The following ANKRD11 variants were observed in gnomAD, a reference collection of about 807,000 sequenced individuals.
ANKRD11 encodes the protein ankyrin repeat domain 11.
ANKRD11 carries 17 observed loss-of-function variants against 195.7 expected under a neutral mutation model. The ratio of observed to expected loss-of-function variants is 0.09; its 90% confidence interval spans 0.06 to 0.13. ANKRD11 has a LOEUF of 0.13. Among genes scored for constraint, ANKRD11 ranks in the 10% least tolerant of loss-of-function variants. The pLI is 1.00. For missense variants in ANKRD11, 3,735 were observed against 3,566.1 expected, an observed-to-expected ratio of 1.05 and a Z score of -1.21; for synonymous variants, 1,953 against 1,528.1, an observed-to-expected ratio of 1.28 and a Z score of -6.49.
At chr16:89,360,390 CCCA>C (rs1408852661) in intron 2 of ANKRD11, among the ~76,000 whole-genome samples, 4 of 152,176 alleles carry the variant, frequency 2.6e-5, no homozygotes, top group African/African-American at 9.7e-5. Flanking sequence ...CATCACCATG[CCCA>C]CTTTTCCATC....
intron 2 of ANKRD11, among the ~76,000 whole-genome samples, chr16:89,365,625 G>T (rs1050825263): frequency 6.6e-6 from 1 of 152,142 alleles, no homozygotes; most frequent in African/African-American, 2.4e-5. Flanking sequence ...CTCAAGAAAG[G>T]GAAGAGCAGT....
chr16:89,328,147 A>G (rs2037833352), intron 2 of ANKRD11, among the ~76,000 whole-genome samples: 1 of 98,520 alleles, frequency 1.0e-5, no homozygotes, highest in South Asian at 2.9e-4. Flanking sequence ...TTAAAGCCGC[A>G]ATGAGATATT....
At chr16:89,385,491 G>A (rs1031634001) in intron 2 of ANKRD11, among the ~76,000 whole-genome samples, 3 of 152,082 alleles carry the variant, frequency 2.0e-5, no homozygotes, top group African/African-American at 7.2e-5. Flanking sequence ...ACCGGGCAGA[G>A]GGAAGGGCGC....
At chr16:89,383,158 G>C (rs974470085) in intron 2 of ANKRD11, among the ~76,000 whole-genome samples, 2 of 152,238 alleles carry the variant, frequency 1.3e-5, no homozygotes, top group South Asian at 4.1e-4. Context: ...CCAAACAGCC[G>C]CCTGTGCTGC....
intron 1 of ANKRD11, among the ~76,000 whole-genome samples, chr16:89,461,890 G>A (rs1016639558): frequency 2.0e-5 from 3 of 152,046 alleles, no homozygotes; most frequent in African/African-American, 7.2e-5. Flanking sequence ...CTCTGACACT[G>A]CCCTCTCCCC....
At chr16:89,478,471 G>A (rs2057333680) in intron 1 of ANKRD11, among the ~76,000 whole-genome samples, 1 of 152,042 alleles carries the variant, frequency 6.6e-6, no homozygotes, top group Non-Finnish European at 1.5e-5. Context: ...CCCCCACCCG[G>A]TAACTCATTA....
intron 2 of ANKRD11, among the ~76,000 whole-genome samples, chr16:89,354,533 C>T (rs1166540739): frequency 1.3e-5 from 2 of 152,174 alleles, no homozygotes; most frequent in African/African-American, 4.8e-5. Flanking sequence ...AGGGAGGGCA[C>T]TTCTAGGCTG....
rs57747159 is a variant in ANKRD11, at chr16:89,441,767, C to CAA, written c.-144-23401_-144-23400dup. Among the ~76,000 whole-genome samples, 262 of 52,336 alleles carry CAA rather than the reference C, an allele frequency of 5.0e-3. 57 individuals carry two copies. Among genetic ancestry groups the CAA allele is most frequent in the African/African-American group, 0.016 (143 of 8,880 alleles). The allele number at this position is 52,336 out of a possible 152,430, so 34.3% of individuals were successfully genotyped here. ...GGGCAACAGAGCGAGACTCCGCCTA[C>CAA]AAAAAAAAAAAAAAAAAAAAAAAAA... On this transcript the variant is annotated intron_variant, in intron 1 of 12. Transcript: ENST00000301030.
At chr16:89,442,583 C>T (rs1171046076) in intron 1 of ANKRD11, among the ~76,000 whole-genome samples, 2 of 152,170 alleles carry the variant, frequency 1.3e-5, no homozygotes, top group Non-Finnish European at 2.9e-5. Context: ...TGGACAGTAT[C>T]ATTCAGGAAC....
Position 89,268,232 on chromosome 16 carries a change from C to T in ANKRD11, c.*246G>A, listed in dbSNP as rs1330935593. The T allele has an allele frequency of 3.8e-6, 1 of 264,004 alleles. No homozygotes were observed. Among genetic ancestry groups the T allele is most frequent in the South Asian group, 3.2e-5 (1 of 31,196 alleles). The allele number at this position is 264,004 out of a possible 1,614,324, so 16.4% of individuals were successfully genotyped here. ...CGCCCGGCATGGTCTCCTCATCCCGCCGGGGCCAGTGAGGCTCTGGGGGCT... is the reference window on the plus strand; with the variant it reads ...CGCCCGGCATGGTCTCCTCATCCCGTCGGGGCCAGTGAGGCTCTGGGGGCT... On this transcript the variant is annotated 3_prime_UTR_variant, in exon 13 of 13. Coordinates refer to ENST00000301030, the MANE Select transcript of ANKRD11 (RefSeq NM_013275.6).
chr16:89,282,085 C>G lies in ANKRD11; in HGVS notation c.4457G>C (p.Arg1486Pro). Residue 1486 changes from arginine (R) to proline (P), a missense_variant, in exon 9 of 13, where the codon CGG (arginine) becomes CCG (proline). Arg to Pro is a moderately radical substitution (Grantham distance 103, BLOSUM62 -2). Coordinates refer to ENST00000301030, the MANE Select transcript of ANKRD11 (RefSeq NM_013275.6). ...HRDRHADGLL[R>P]HHRDELLRHH... ...CCGCAGGAGCTCGTCCCTGTGATGC[C>G]GCAGCAGCCCATCCGCATGCCTGTC... 6.2e-7 allele frequency: 1 copy of G among 1,613,808 alleles called. No homozygotes were observed. The highest frequency in any genetic ancestry group is 8.5e-7 in the Non-Finnish European group (1 of 1,179,950).
In ANKRD11 at chr16:89,278,876, G is replaced by C. The variant is rs947992881; in HGVS notation, c.7470+196C>G. On this transcript the variant is annotated intron_variant, in intron 9 of 12. Transcript: ENST00000301030. ...CGGACCAGCTGGAGGAAGGACCTCG[G>C]GTCTGCAGAACAGCTGGGCAGCTTC... is the stretch of plus-strand genomic sequence containing the variant. 17 of 911,012 alleles carry C rather than the reference G, an allele frequency of 1.9e-5. No homozygotes were observed. The African/African-American group carries it at 2.5e-4, about 13-fold the overall frequency. 56.4% of individuals were successfully genotyped at this position (911,012 alleles called of 1,614,324 possible).
Position 89,481,619 on chromosome 16 carries a change from C to T in ANKRD11, c.-145+8626G>A, listed in dbSNP as rs558775414. 3.9e-5 allele frequency among the ~76,000 whole-genome samples: 6 copies of T among 152,266 alleles called. No individual in the cohort carries two copies. The South Asian group carries it at 1.0e-3, about 26-fold the overall frequency. Reference sequence around the variant, plus strand: ...CCAGTGCTTTCATCTAGGCATCCACCGCCTGCAAACTCTGACACATCATCT... The same window carrying T: ...CCAGTGCTTTCATCTAGGCATCCACTGCCTGCAAACTCTGACACATCATCT... On this transcript the variant is annotated intron_variant, in intron 1 of 12. Transcript: ENST00000301030.
At chr16:89,462,437 C>T (rs1437222586) in intron 1 of ANKRD11, among the ~76,000 whole-genome samples, 1 of 152,232 alleles carries the variant, frequency 6.6e-6, no homozygotes, top group African/African-American at 2.4e-5. Flanking sequence ...ACCTCCCAGC[C>T]GCCTGCCTTG....
rs115093840 is a variant in ANKRD11 at position 89,309,134 on chromosome 16, G to A, written c.88-3790C>T. 4.0e-3 allele frequency among the ~76,000 whole-genome samples: 610 copies of A among 152,276 alleles called. 4 individuals carry two copies. The highest frequency in any genetic ancestry group is 0.014 in the African/African-American group (575 of 41,556). On this transcript the variant is annotated intron_variant, in intron 3 of 12. Transcript: ENST00000301030. ...CCACCACACGCCCAACCACACAGAC[G>A]TCAGGCCCACACACTGAGCCCTGGC...
intron 1 of ANKRD11, among the ~76,000 whole-genome samples, chr16:89,430,322 G>A (rs893844752): frequency 2.3e-4 from 34 of 146,462 alleles, no homozygotes; most frequent in African/African-American, 7.4e-4. Flanking sequence ...CAACTCTCGC[G>A]CTCAGACGTT....
In ANKRD11 at chr16:89,284,225, G is replaced by T. The variant is rs1228976350; in HGVS notation, c.2317C>A (p.Pro773Thr). The T allele has an allele frequency of 1.2e-6, 2 of 1,612,530 alleles. No homozygotes were observed. Residue 773 changes from proline (P) to threonine (T), a missense_variant, in exon 9 of 13, where the codon CCC (proline) becomes ACC (threonine). Transcript: ENST00000301030. ...EERKKKSKDR[P>T]SKLEKKNDLK... ...TCATTCTTCTTCTCTAATTTTGAGGGCCGGTCTTTTGATTTCTTCTTTCTC... is the reference window on the plus strand; with the variant it reads ...TCATTCTTCTTCTCTAATTTTGAGGTCCGGTCTTTTGATTTCTTCTTTCTC...
intron 1 of ANKRD11, among the ~76,000 whole-genome samples, chr16:89,423,262 AGGCT>A (rs2042585950): frequency 6.6e-6 from 1 of 152,226 alleles, no homozygotes; most frequent in Non-Finnish European, 1.5e-5. Flanking sequence ...CATTCGCGTT[AGGCT>A]GGGTGGGAGG....
intron 3 of ANKRD11, among the ~76,000 whole-genome samples, chr16:89,306,402 G>C (rs1307395886): frequency 2.0e-5 from 1 of 50,876 alleles, no homozygotes; most frequent in African/African-American, 9.9e-5. Context: ...CCGCAGACAC[G>C]CGCCACCTAC....
Sources: allele counts gnomAD v4.1 joint callset (sites outside exome capture counted in the v4.1 genomes callset), GRCh38; gene constraint gnomAD v4.1.1; transcripts MANE v1.5; gene names NCBI Gene and HGNC (gene_info 2026-07-23, HGNC 2026-07-21).